GTF2E2: variants seen among roughly 807,000 people sequenced by gnomAD.
GTF2E2 encodes the protein general transcription factor IIE subunit 2.
In GTF2E2, 21 loss-of-function variants were observed where a neutral mutation model predicts 40.5. The observed-to-expected ratio is 0.52, with a 90% CI of 0.37 to 0.75. GTF2E2 has a LOEUF of 0.75. GTF2E2 is among the 30% of genes least tolerant of loss of function. GTF2E2 has a pLI of 0.00. For synonymous variants in GTF2E2, 117 were observed against 121.6 expected (o/e 0.96, Z 0.25); for missense variants, 298 against 338.4 (o/e 0.88, Z 0.94).
At chr8:30,598,528 T>A (rs1829079394) in intron 6 of GTF2E2, among the ~76,000 whole-genome samples, 2 of 152,206 alleles carry the variant, frequency 1.3e-5, no homozygotes, top group East Asian at 3.8e-4. Context: ...ATAAAAACTC[T>A]TCAATTTTTT....
chr8:30,639,198 T>A (rs1200774032), intron 2 of GTF2E2, among the ~76,000 whole-genome samples: 1 of 152,218 alleles, frequency 6.6e-6, no homozygotes, highest in African/African-American at 2.4e-5. Flanking sequence ...ATTATCACAA[T>A]TTTAATTTTT....
chr8:30,641,816 C>T (rs1801844987), intron 2 of GTF2E2, among the ~76,000 whole-genome samples: 1 of 151,918 alleles, frequency 6.6e-6, no homozygotes, highest in African/African-American at 2.4e-5. Flanking sequence ...GCAGAGGTTG[C>T]AGTGAGTCAA....
chr8:30,620,259 AAC>A (rs916977781), intron 3 of GTF2E2, among the ~76,000 whole-genome samples: 1 of 52,944 alleles, frequency 1.9e-5, no homozygotes, highest in Admixed American at 1.8e-4. Context: ...CACACACACA[AAC>A]ACACACACAC....
At chr8:30,649,629 G>C (rs948661170) in intron 2 of GTF2E2, among the ~76,000 whole-genome samples, 1 of 152,170 alleles carries the variant, frequency 6.6e-6, no homozygotes, top group African/African-American at 2.4e-5. Context: ...CAGATCACCT[G>C]AGGTCAGGAG....
At chr8:30,579,426 G>C (rs1437372221) in intron 7 of GTF2E2, among the ~76,000 whole-genome samples, 1 of 152,208 alleles carries the variant, frequency 6.6e-6, no homozygotes, top group Non-Finnish European at 1.5e-5. Flanking sequence ...AGGAGCACAT[G>C]AAGGTCTGTA....
At chr8:30,642,196 A>G (rs1419957896) in intron 2 of GTF2E2, among the ~76,000 whole-genome samples, 1 of 152,006 alleles carries the variant, frequency 6.6e-6, no homozygotes, top group Non-Finnish European at 1.5e-5. Context: ...TTTGTATTAC[A>G]GTGCATTAAA....
chr8:30,597,068 G>C (rs1417989493), intron 6 of GTF2E2: 1 of 152,338 alleles, frequency 6.6e-6, no homozygotes, highest in Non-Finnish European at 1.5e-5. Flanking sequence ...GCCTCGTATG[G>C]GTGGGAAGAT....
Position 30,608,012 on chromosome 8 carries a change from G to A in GTF2E2, c.550-862C>T, listed in dbSNP as rs143366352. On this transcript the variant is annotated intron_variant, in intron 5 of 7. Coordinates refer to ENST00000355904, the MANE Select transcript of GTF2E2 (RefSeq NM_002095.6). The stretch of plus-strand genomic sequence containing the variant: ...TCAAGAGATATAAAAGATTGGAAGA[G>A]TCTTCTTGTTGTCTTTTAACTTTCA... Among the ~76,000 whole-genome samples the A allele has an allele frequency of 3.5e-3, 537 of 152,300 alleles. 4 individuals carry two copies. The highest frequency in any genetic ancestry group is 0.01 in the Middle Eastern group (3 of 294).
chr8:30,622,876 T>G (rs1444843352), intron 3 of GTF2E2, among the ~76,000 whole-genome samples: 9 of 152,118 alleles, frequency 5.9e-5, no homozygotes, highest in African/African-American at 2.2e-4. Flanking sequence ...CCCTGAACAT[T>G]GCTGTTACCC....
At chr8:30,595,421 G>A (rs999694346) in intron 6 of GTF2E2, among the ~76,000 whole-genome samples, 3 of 152,214 alleles carry the variant, frequency 2.0e-5, no homozygotes, top group East Asian at 1.9e-4. Flanking sequence ...AATGTCTAAT[G>A]TCATACCTCT....
At chr8:30,590,755 A>G (rs1036425147) in intron 6 of GTF2E2, among the ~76,000 whole-genome samples, 3 of 152,014 alleles carry the variant, frequency 2.0e-5, no homozygotes, top group African/African-American at 7.3e-5. Flanking sequence ...CAGTGGCGCA[A>G]TCTCAGCTCA....
intron 6 of GTF2E2, chr8:30,585,012 C>A (rs1828630818): frequency 2.0e-5 from 3 of 152,252 alleles, no homozygotes; most frequent in Admixed American, 2.0e-4. Flanking sequence ...CATGGAGAAA[C>A]CCCATCTCTA....
chr8:30,607,201 C>T (rs1356906441), intron 5 of GTF2E2, 51 bp from the exon 6 acceptor site: 1 of 631,720 alleles, frequency 1.6e-6, no homozygotes. Flanking sequence ...AATTACCTCA[C>T]CAAAAAAAAA....
At chr8:30,625,576 AGGGCTATG>A (rs919437053) in intron 3 of GTF2E2, among the ~76,000 whole-genome samples, 1 of 152,178 alleles carries the variant, frequency 6.6e-6, no homozygotes, top group Non-Finnish European at 1.5e-5. Context: ...GTGTGCAAGT[AGGGCTATG>A]TTCACTTTGC....
intron 2 of GTF2E2, among the ~76,000 whole-genome samples, chr8:30,642,005 T>C (rs6999713): frequency 0.36 from 54,347 of 152,150 alleles, 10,735 homozygotes; most frequent in South Asian, 0.55. Flanking sequence ...GTGAATAAAG[T>C]ATACAGTCTA....
chr8:30,614,150 A>C (rs970522293), intron 4 of GTF2E2, among the ~76,000 whole-genome samples: 1 of 152,268 alleles, frequency 6.6e-6, no homozygotes, highest in African/African-American at 2.4e-5. Flanking sequence ...TCTTACCTTT[A>C]ACATTTTGAA....
At position 30,645,305 on chromosome 8, in the gene GTF2E2, T is replaced by C. The variant is rs1425245395; in HGVS notation, c.166+8128A>G. 2.6e-6 allele frequency: 4 copies of C among 1,533,586 alleles called. No individual in the cohort carries two copies. In the East Asian group the frequency reaches 7.3e-5, roughly 28 times the overall value. The allele number at this position is 1,533,586 out of a possible 1,614,324, so 95.0% of individuals were successfully genotyped here. A position where few individuals can be genotyped will look rare whatever the true frequency, so the allele number is the denominator to read the frequency against. On this transcript the variant is annotated intron_variant, in intron 2 of 7. Transcript: ENST00000355904. ...GATTCAAAAGAGCAAGTGGAATCTC[T>C]AAGAATGGCTTCCAGCCACTGGAAT...
At chr8:30,605,548 G>A (rs1057343746) in intron 6 of GTF2E2, among the ~76,000 whole-genome samples, 35 of 151,726 alleles carry the variant, frequency 2.3e-4, no homozygotes, top group Non-Finnish European at 4.4e-5. Flanking sequence ...CTTGTGATAG[G>A]TTTTTTTAAG....
intron 6 of GTF2E2, among the ~76,000 whole-genome samples, chr8:30,596,670 T>C (rs1018405182): frequency 3.4e-5 from 5 of 147,882 alleles, no homozygotes; most frequent in African/African-American, 1.2e-4. Flanking sequence ...TGTGTTGTTC[T>C]TCCTTCCTTC....
Sources: gnomAD v4.1 joint callset for allele counts (sites outside exome capture counted in the v4.1 genomes callset) on GRCh38, gnomAD v4.1.1 for gene constraint, MANE v1.5 for transcripts, NCBI Gene and HGNC (gene_info 2026-07-23, HGNC 2026-07-21) for gene names.